Variants in TRPM5 observed in about 807,000 individuals in gnomAD.
TRPM5 encodes the protein transient receptor potential cation channel subfamily M member 5, also known as MLSN1 and TRP-related.
In TRPM5, 121 loss-of-function variants were observed where a neutral mutation model predicts 124.9. That is an observed-to-expected ratio of 0.97 (90% CI 0.84 to 1.13). TRPM5 has a LOEUF of 1.13. Ranked by LOEUF, TRPM5 falls within the 50% of genes most tolerant of loss-of-function variation. The probability of loss-of-function intolerance (pLI) is 0.00; values close to 1 mark genes in which losing one functional copy is unlikely to be tolerated. For synonymous variants in TRPM5, 781 were observed against 700.5 expected (o/e 1.11, Z -1.81); for missense variants, 1,643 against 1,589.1 (o/e 1.03, Z -0.58).
intron 18 of TRPM5, chr11:2,410,590 C>T (rs998385603): frequency 7.7e-5 from 33 of 426,994 alleles, no homozygotes; most frequent in Non-Finnish European, 1.4e-4. Context: ...TGCACAGGTC[C>T]CTGCCCCACC....
At chr11:2,408,543 G>A (rs1333805628) in intron 18 of TRPM5, among the ~76,000 whole-genome samples, 3 of 152,208 alleles carry the variant, frequency 2.0e-5, no homozygotes, top group African/African-American at 4.8e-5. Flanking sequence ...TTCTTCAGGC[G>A]GCACACTCTG....
At position 2,407,928 on chromosome 11, in the gene TRPM5, G is replaced by A. The variant is rs1474247505; in HGVS notation, c.2783-16C>T. On this transcript the variant is annotated splice_polypyrimidine_tract_variant and intron_variant, in intron 18 of 23. Transcript: ENST00000155858. ...ACACGGGCTTCTGGAAAGCAAGGGT[G>A]CTGTGGGGACCAGACCGGGGGCAGC... 7.4e-6 allele frequency: 12 copies of A among 1,612,176 alleles called. No homozygotes were observed. The highest frequency in any genetic ancestry group is 3.3e-5 in the Admixed American group (2 of 59,958).
rs572914836 is a variant in TRPM5 at position 2,414,818 on chromosome 11, G to A, written c.1641C>T (p.Ala547=). ...TGAGGATTTTGCAGGCGGCCAGTGC[G>A]GCTGCCACACCTTCCTGGCCCTACG... The change falls in exon 11 of 24, where the codon GCC becomes GCT. Residue 547 remains alanine (A), a synonymous_variant. Transcript: ENST00000155858. 8.8e-6 allele frequency: 14 copies of A among 1,587,776 alleles called. 1 individual carries two copies. The East Asian group carries it at 1.6e-4, about 18-fold the overall frequency.
intron 12 of TRPM5, 147 bp downstream of exon 17, chr11:2,413,914 C>G: frequency 8.4e-7 from 1 of 1,191,814 alleles, no homozygotes; most frequent in Non-Finnish European, 1.2e-6. Flanking sequence ...GGGCGCCTTC[C>G]AGGAACAGAA....
downstream of TRPM5, chr11:2,404,447 A>G (rs1005927265): frequency 1.3e-5 from 2 of 154,416 alleles, no homozygotes; most frequent in African/African-American, 4.8e-5. Context: ...CCTGTCTTCC[A>G]GGAGCCAGTC....
exon 6 of TRPM5, chr11:2,418,286 G>A: frequency 1.3e-6 from 2 of 1,576,774 alleles, no homozygotes; most frequent in African/African-American, 2.7e-5. Context: ...AGGGCAGCAA[G>A]CACATCGGCG....
intron 18 of TRPM5, among the ~76,000 whole-genome samples, chr11:2,410,437 C>T (rs1850422547): frequency 6.6e-6 from 1 of 152,220 alleles, no homozygotes; most frequent in Non-Finnish European, 1.5e-5. Flanking sequence ...AGCAGTTTCC[C>T]TGCACCTTCT....
rs750933952 is a variant in TRPM5, at chr11:2,418,238, C to T, written c.835G>A (p.Glu279Lys). ...GGGAACTTCTCCTTAAACTGCTTCT[C>T]GGCCACCTTGGGCACCAGGAGGTGG... is the stretch of plus-strand genomic sequence containing the variant. Residue 279 changes from glutamate to lysine, a missense_variant, in exon 6 of 24, where the codon GAG (glutamate) becomes AAG (lysine). Physicochemically the swap from Glu to Lys is moderately conservative, Grantham distance 56. Transcript: ENST00000155858. 71 of 1,586,582 alleles carry T rather than the reference C, an allele frequency of 4.5e-5. No homozygotes were observed. Among genetic ancestry groups the T allele is most frequent in the South Asian group, 2.1e-4 (18 of 87,338 alleles).
chr11:2,408,881 C>A (rs914729566), intron 18 of TRPM5, among the ~76,000 whole-genome samples: 4 of 152,234 alleles, frequency 2.6e-5, no homozygotes, highest in Non-Finnish European at 5.9e-5. Flanking sequence ...CTGTGTGAGC[C>A]TGTACATGTG....
At chr11:2,422,785 C>T (rs1845790707) in intron 1 of TRPM5, 135 bp downstream of exon 6, 1 of 760,926 alleles carries the variant, frequency 1.3e-6, no homozygotes, top group South Asian at 1.5e-5. Flanking sequence ...TGTCTGGGGG[C>T]TCTGAATATG....
rs757311856 is a variant in TRPM5 at position 2,412,260 on chromosome 11, G to A, written c.2356-7C>T. 1 of 1,609,018 alleles carries A rather than the reference G, an allele frequency of 6.2e-7. No individual in the cohort carries two copies. Among genetic ancestry groups the A allele is most frequent in the East Asian group, 2.2e-5 (1 of 44,876 alleles). ...CCTCGTCTGTGAAGAAGCCCTGGGAGGGAGGTGGGCAGTCCACTGACAGCT... is the reference window on the plus strand; with the variant it reads ...CCTCGTCTGTGAAGAAGCCCTGGGAAGGAGGTGGGCAGTCCACTGACAGCT... On this transcript the variant is annotated splice_polypyrimidine_tract_variant and splice_region_variant and intron_variant, in intron 15 of 23. Transcript: ENST00000155858.
At chr11:2,425,957 A>G (rs1454108504), upstream of TRPM5, among the ~76,000 whole-genome samples, 2 of 152,128 alleles carry the variant, frequency 1.3e-5, no homozygotes, top group Non-Finnish European at 2.9e-5. Flanking sequence ...GAGGGGTCCT[A>G]CAGGGCTCCC....
chr11:2,414,288 A>G, intron 11 of TRPM5, 82 bp from the exon 17 acceptor site: 1 of 1,507,080 alleles, frequency 6.6e-7, no homozygotes, highest in East Asian at 2.4e-5. Flanking sequence ...TCCCCTGCCC[A>G]GACCTGGGCT....
At chr11:2,415,596 C>A (rs962923064) in intron 8 of TRPM5, 125 bp from the exon 14 acceptor site, 8 of 704,048 alleles carry the variant, frequency 1.1e-5, no homozygotes, top group East Asian at 2.7e-5. Flanking sequence ...GTCACGCAGA[C>A]CCTCTCGCTC....
intron 22 of TRPM5, 42 bp downstream of exon 27, chr11:2,405,977 A>AC (rs1850312728): frequency 1.9e-6 from 3 of 1,569,170 alleles, no homozygotes; most frequent in Non-Finnish European, 2.6e-6. Flanking sequence ...CCACGCAGCC[A>AC]CCCGCCTCCC....
upstream of TRPM5, among the ~76,000 whole-genome samples, chr11:2,425,699 C>T (rs1053445133): frequency 2.0e-5 from 3 of 150,764 alleles, no homozygotes; most frequent in Admixed American, 6.6e-5. Context: ...CCTGGTCACC[C>T]GCTGGGGTCA....
At chr11:2,410,497 C>T (rs1850423682) in intron 18 of TRPM5, among the ~76,000 whole-genome samples, 1 of 152,222 alleles carries the variant, frequency 6.6e-6, no homozygotes, top group Admixed American at 6.5e-5. Flanking sequence ...CAGGGGCGGG[C>T]TGGCTGCTGG....
chr11:2,418,064 G>A (rs1030419712), intron 6 of TRPM5, 103 bp downstream of exon 11: 12 of 1,155,090 alleles, frequency 1.0e-5, no homozygotes, highest in Non-Finnish European at 1.3e-5. Flanking sequence ...GCAGCCTGAG[G>A]TGGGAGGAGT....
chr11:2,425,629 A>AGTCG (rs1845834579), upstream of TRPM5, among the ~76,000 whole-genome samples: 1 of 150,644 alleles, frequency 6.6e-6, no homozygotes, highest in African/African-American at 2.4e-5. Context: ...CCTGGGCGGG[A>AGTCG]GTCCTCACCC....
Sources: gnomAD v4.1 joint callset for allele counts (sites outside exome capture counted in the v4.1 genomes callset) on GRCh38, gnomAD v4.1.1 for gene constraint, MANE v1.5 for transcripts, NCBI Gene and HGNC (gene_info 2026-07-23, HGNC 2026-07-21) for gene names.